The following MSI2 variants were observed in gnomAD, a reference collection of about 807,000 sequenced individuals.
The protein encoded by MSI2 is RNA-binding protein Musashi homolog 2.
MSI2 carries 17 observed loss-of-function variants against 45.6 expected under a neutral mutation model. The observed-to-expected ratio is 0.37, with a 90% CI of 0.26 to 0.56. The LOEUF (loss-of-function observed/expected upper bound fraction) is 0.56. Ranked by LOEUF, MSI2 falls within the 20% of genes least tolerant of loss-of-function variation. MSI2 has a pLI of 0.77. For missense variants in MSI2, 293 were observed against 444.2 expected (o/e 0.66, Z 3.06); for synonymous variants, 156 against 158.2 (o/e 0.99, Z 0.11).
chr17:57,594,306 C>A (rs1334249248), intron 7 of MSI2, among the ~76,000 whole-genome samples: 1 of 151,890 alleles, frequency 6.6e-6, no homozygotes, highest in Non-Finnish European at 1.5e-5. Context: ...AGGATCTGGG[C>A]CCTAGGAGGG....
Position 57,529,803 on chromosome 17 carries a change from A to G in MSI2, c.454+79A>G, listed in dbSNP as rs1598370836. On this transcript the variant is annotated intron_variant, in intron 7 of 13. Coordinates refer to ENST00000284073, the MANE Select transcript of MSI2 (RefSeq NM_138962.4). The surrounding 1 kb of genome is among the most constrained non-coding windows in gnomAD (Gnocchi z 5.3). The stretch of plus-strand genomic sequence containing the variant: ...TCTGTCATCCCCAGTCCCACTGACA[A>G]AAGATACAGTGAAGAGTCCAGAGTC... 2 of 1,220,122 alleles carry G rather than the reference A, an allele frequency of 1.6e-6. No homozygotes were observed. Among genetic ancestry groups the G allele is most frequent in the East Asian group, 2.4e-5 (1 of 42,278 alleles). The allele number at this position is 1,220,122 out of a possible 1,614,324, so 75.6% of individuals were successfully genotyped here.
At chr17:57,566,730 A>G (rs940931691) in intron 7 of MSI2, among the ~76,000 whole-genome samples, 1 of 152,200 alleles carries the variant, frequency 6.6e-6, no homozygotes, top group African/African-American at 2.4e-5. Context: ...AAAGAACTCA[A>G]CGAAGCTGGG....
At chr17:57,332,650 T>C (rs1046715520) in intron 5 of MSI2, among the ~76,000 whole-genome samples, 2 of 152,236 alleles carry the variant, frequency 1.3e-5, no homozygotes, top group Non-Finnish European at 2.9e-5. Context: ...GATTTCATGC[T>C]GTTAGCAAAG....
intron 6 of MSI2, among the ~76,000 whole-genome samples, chr17:57,453,703 G>A (rs1000188531): frequency 1.3e-5 from 2 of 152,272 alleles, no homozygotes; most frequent in Admixed American, 6.5e-5. Flanking sequence ...CCAAGCTTGT[G>A]GGGAGTTATT....
intron 8 of MSI2, among the ~76,000 whole-genome samples, chr17:57,609,368 C>A (rs1906998546): frequency 6.6e-6 from 1 of 152,148 alleles, no homozygotes. Flanking sequence ...GTTAGCCAGA[C>A]AGTCAGACGG....
chr17:57,428,930 T>C (rs150319430), intron 6 of MSI2, among the ~76,000 whole-genome samples: 6 of 152,352 alleles, frequency 3.9e-5, no homozygotes, highest in Non-Finnish European at 8.8e-5. Flanking sequence ...ATGATCAGTA[T>C]ACATTTGTGA....
chr17:57,546,456 A>G (rs2144155460), intron 7 of MSI2, among the ~76,000 whole-genome samples: 1 of 152,372 alleles, frequency 6.6e-6, no homozygotes, highest in South Asian at 2.1e-4. Context: ...GTAATGGCTT[A>G]AAGATTTTGT....
chr17:57,566,511 G>A (rs923181867), intron 7 of MSI2, among the ~76,000 whole-genome samples: 1 of 152,134 alleles, frequency 6.6e-6, no homozygotes, highest in Non-Finnish European at 1.5e-5. Context: ...TCAGGCATTG[G>A]GGCCCGGTAT....
At chr17:57,555,148 C>T (rs894204482) in intron 7 of MSI2, among the ~76,000 whole-genome samples, 1 of 152,076 alleles carries the variant, frequency 6.6e-6, no homozygotes. Context: ...CCCAGTTGCT[C>T]AAGCCATACC....
intron 7 of MSI2, among the ~76,000 whole-genome samples, chr17:57,563,771 C>A (rs1438568153): frequency 1.3e-5 from 2 of 150,950 alleles, no homozygotes; most frequent in Non-Finnish European, 2.9e-5. Context: ...CACACACACA[C>A]ACACACACAC....
rs572722736 is a variant in MSI2 at position 57,681,897 on chromosome 17, G to A, written c.*2380G>A. 3 of 202,562 alleles carry A rather than the reference G, an allele frequency of 1.5e-5. No individual in the cohort carries two copies. Among genetic ancestry groups the A allele is most frequent in the South Asian group, 1.9e-4 (1 of 5,174 alleles). 12.5% of individuals were successfully genotyped at this position (202,562 alleles called of 1,614,324 possible). A position where few individuals can be genotyped will look rare whatever the true frequency, so the allele number is the denominator to read the frequency against. On this transcript the variant is annotated 3_prime_UTR_variant, in exon 14 of 14. Transcript: ENST00000284073. ...GACGAGGGAATTTAATTCCTATTTTGTCCATGTTGGTGATGTACTGTACTT... is the reference window on the plus strand; with the variant it reads ...GACGAGGGAATTTAATTCCTATTTTATCCATGTTGGTGATGTACTGTACTT...
Position 57,589,212 on chromosome 17 carries a change from T to TG in MSI2, c.455-7654dup, listed in dbSNP as rs1904594816. On this transcript the variant is annotated intron_variant, in intron 7 of 13. Coordinates refer to ENST00000284073, the MANE Select transcript of MSI2 (RefSeq NM_138962.4). ...TCTGAAAACGCCCAGGAACCTCTAA[T>TG]GGCGACTCCAATTGGCTCTCACTGA... is the stretch of plus-strand genomic sequence containing the variant. Among the ~76,000 whole-genome samples, 5 of 152,192 alleles carry TG rather than the reference T, an allele frequency of 3.3e-5. 1 individual carries two copies. The South Asian group carries it at 1.0e-3, about 31-fold the overall frequency.
chr17:57,449,662 C>T (rs944048982), intron 6 of MSI2: 2 of 152,166 alleles, frequency 1.3e-5, no homozygotes, highest in Non-Finnish European at 2.9e-5. Context: ...AGAGTAGACA[C>T]GTCAGACACG....
the MSI2 span, among the ~76,000 whole-genome samples, chr17:57,697,174 C>T: frequency 3.8e-5 from 1 of 26,570 alleles, no homozygotes; most frequent in East Asian, 1.0e-3. Context: ...AGGCTCTCTC[C>T]TCACATATGC....
intron 6 of MSI2, among the ~76,000 whole-genome samples, chr17:57,494,470 A>T (rs1386282069): frequency 6.6e-6 from 1 of 152,030 alleles, no homozygotes; most frequent in Non-Finnish European, 1.5e-5. Context: ...TTTCTAGAAG[A>T]GGGGTATATT....
At chr17:57,330,531 G>C (rs896424470) in intron 5 of MSI2, among the ~76,000 whole-genome samples, 16 of 151,832 alleles carry the variant, frequency 1.1e-4, no homozygotes, top group African/African-American at 3.9e-4. Context: ...TGTCTGCCTC[G>C]GCCTCCCAAA....
At chr17:57,359,247 T>G (rs1021571784) in intron 5 of MSI2, among the ~76,000 whole-genome samples, 1 of 152,236 alleles carries the variant, frequency 6.6e-6, no homozygotes, top group African/African-American at 2.4e-5. Context: ...TGGTGGCATA[T>G]CTTTGTTCCA....
intron 5 of MSI2, among the ~76,000 whole-genome samples, chr17:57,301,349 G>A (rs1911404115): frequency 6.6e-6 from 1 of 152,206 alleles, no homozygotes; most frequent in Non-Finnish European, 1.5e-5. Context: ...GTGCTGAGAG[G>A]AGAGGAGTGC....
At chr17:57,609,061 T>C (rs887272008) in intron 8 of MSI2, among the ~76,000 whole-genome samples, 2 of 152,304 alleles carry the variant, frequency 1.3e-5, no homozygotes, top group East Asian at 3.9e-4. Flanking sequence ...TGTGTGTAGC[T>C]GTCAGGCTCT....
Sources: gnomAD v4.1 joint callset for allele counts (sites outside exome capture counted in the v4.1 genomes callset) on GRCh38, gnomAD v4.1.1 for gene constraint, Gnocchi (gnomAD v3.1) non-coding constraint, MANE v1.5 for transcripts, NCBI Gene and HGNC (gene_info 2026-07-23, HGNC 2026-07-21) for gene names.